Variants in ROGDI observed in about 807,000 individuals in gnomAD.
The protein encoded by ROGDI is protein rogdi homolog.
In ROGDI, 46 loss-of-function variants were observed where a neutral mutation model predicts 43.1. That is an observed-to-expected ratio of 1.07 (90% CI 0.84 to 1.37). ROGDI has a LOEUF of 1.37. ROGDI is among the 40% of genes most tolerant of loss of function. The probability of loss-of-function intolerance (pLI) is 0.00; values close to 1 mark genes in which losing one functional copy is unlikely to be tolerated. For synonymous variants in ROGDI, 243 were observed against 162.0 expected, an observed-to-expected ratio of 1.50 and a Z score of -3.80; for missense variants, 518 against 383.9, an observed-to-expected ratio of 1.35 and a Z score of -2.92.
chr16:4,802,315 C>T, intron 2 of ROGDI, 67 bp downstream of exon 2: 1 of 1,394,852 alleles, frequency 7.2e-7, no homozygotes, highest in Non-Finnish European at 9.7e-7. Flanking sequence ...CGCGCGGCCC[C>T]AGGTGGAGCC....
intron 3 of ROGDI, 25 bp from the exon 4 acceptor site, chr16:4,801,346 T>C (rs1244320907): frequency 5.6e-6 from 9 of 1,596,934 alleles, no homozygotes; most frequent in Non-Finnish European, 7.7e-6. Flanking sequence ...GTCAGAGCGG[T>C]GCCTGTGGTC....
chr16:4,798,112 T>G lies in ROGDI; in HGVS notation c.604A>C (p.Thr202Pro), dbSNP rs776990368. The G allele has an allele frequency of 6.2e-7, 1 of 1,613,962 alleles. No homozygotes were observed. Among genetic ancestry groups the G allele is most frequent in the Non-Finnish European group, 8.5e-7 (1 of 1,179,936 alleles). The change falls in exon 8 of 11, where the codon ACG becomes CCG. Residue 202 changes from threonine (T) to proline (P), a missense_variant. Thr to Pro is a conservative substitution (Grantham distance 38). Coordinates refer to ENST00000322048, the MANE Select transcript of ROGDI (RefSeq NM_024589.3). The part of the protein sequence containing the change: ...VYINLNKLCL[T>P]VYQLHALQPN... ...TGCAGGGCATGCAGCTGGTACACCG[T>G]GAGGCAGAGCTTGTTGAGGTTGATG... is the stretch of plus-strand genomic sequence containing the variant.
In ROGDI at chr16:4,798,730, G is replaced by C. The variant is rs529111726; in HGVS notation, c.433-63C>G. 3.0e-6 allele frequency: 4 copies of C among 1,343,624 alleles called. No homozygotes were observed. The South Asian group carries it at 5.0e-5, about 17-fold the overall frequency. The allele number at this position is 1,343,624 out of a possible 1,614,324, so 83.2% of individuals were successfully genotyped here. On this transcript the variant is annotated intron_variant, in intron 6 of 10. Transcript: ENST00000322048. Reference sequence around the variant, plus strand: ...TGTCCCCATGCATTAAGGAACAACAGACATGGTAGCTCCCACTCCCACCCA... The same window carrying C: ...TGTCCCCATGCATTAAGGAACAACACACATGGTAGCTCCCACTCCCACCCA...
chr16:4,800,513 C>T lies in ROGDI; in HGVS notation c.321G>A (p.Gln107=), dbSNP rs1278200240. Residue 107 remains glutamine (Q), a synonymous_variant, in exon 5 of 11, where the codon CAG becomes CAA. Coordinates refer to ENST00000322048, the MANE Select transcript of ROGDI (RefSeq NM_024589.3). ...GCGGGGTCACCTGCTGCAGCTTCCA[C>T]TGCTTGTCCTCCCGGAAGGCGAAGT... The part of the protein sequence containing the change: ...LLHFAFREDK[Q]WKLQQIQDAR... 2 of 1,557,994 alleles carry T rather than the reference C, an allele frequency of 1.3e-6. No individual in the cohort carries two copies. The highest frequency in any genetic ancestry group is 1.7e-6 in the Non-Finnish European group (2 of 1,150,212).
Position 4,800,446 on chromosome 16 carries a change from C to T in ROGDI, c.336+52G>A, listed in dbSNP as rs1310737627. 9.0e-6 allele frequency: 13 copies of T among 1,452,008 alleles called. No individual in the cohort carries two copies. In the South Asian group the frequency reaches 1.2e-4, roughly 14 times the overall value. The allele number at this position is 1,452,008 out of a possible 1,614,324, so 89.9% of individuals were successfully genotyped here. On this transcript the variant is annotated intron_variant, in intron 5 of 10. Coordinates refer to ENST00000322048, the MANE Select transcript of ROGDI (RefSeq NM_024589.3). ...TCTCCAGGGAGGCCCCGCGGCAGGC[C>T]TGCTGCCGCCTGTCCTTGTGGCTGA...
Position 4,801,511 on chromosome 16 carries a change from G to A in ROGDI, c.192C>T (p.Gly64=), listed in dbSNP as rs2070350633. The A allele has an allele frequency of 6.2e-7, 1 of 1,605,226 alleles. No homozygotes were observed. Among genetic ancestry groups the A allele is most frequent in the South Asian group, 1.1e-5 (1 of 89,450 alleles). The change falls in exon 3 of 11, where the codon GGC becomes GGT. Residue 64 remains glycine (G), a synonymous_variant. Transcript: ENST00000322048. The stretch of plus-strand genomic sequence containing the variant: ...GCCTAGCCCAGGCTCACCCACAGCT[G>A]CCTAGGATGAAGTTCTCTTGCTTGG... The part of the protein sequence containing the change: ...GPAKQENFIL[G]SCGTDQVKGV...
rs750166706 is a variant in ROGDI, at chr16:4,798,175, C to T, written c.541G>A (p.Ala181Thr). ...IAASGLTRMF[A>T]PALPSDLLVN... ...AGCAGGTCGGACGGCAGGGCAGGGG[C>T]GAACATCCGCTGCGGGAGGCAGGTG... The change falls in exon 8 of 11, where the codon GCC becomes ACC. Residue 181 changes from alanine to threonine, a missense_variant. Transcript: ENST00000322048. 2.1e-5 allele frequency: 34 copies of T among 1,613,356 alleles called. No individual in the cohort carries two copies. In the African/African-American group the frequency reaches 3.1e-4, roughly 15 times the overall value.
In ROGDI at chr16:4,798,058, G is replaced by A. The variant is rs762595039; in HGVS notation, c.645+13C>T. ...CATGGCGGGCAGTGGGCCGGGCAGG[G>A]GTCCCTCCTCACCTTGGTGGAGTTG... On this transcript the variant is annotated intron_variant, in intron 8 of 10. Transcript: ENST00000322048. The A allele has an allele frequency of 1.7e-5, 27 of 1,613,596 alleles. No individual in the cohort carries two copies. Among genetic ancestry groups the A allele is most frequent in the Non-Finnish European group, 2.3e-5 (27 of 1,179,710 alleles).
intron 5 of ROGDI, 39 bp from the exon 6 acceptor site, chr16:4,799,820 C>T (rs1423577002): frequency 6.8e-7 from 1 of 1,469,562 alleles, no homozygotes; most frequent in Admixed American, 1.8e-5. Context: ...ACGCCAGCTT[C>T]CATGCGGCCA....
rs1372038121 is a variant in ROGDI, at chr16:4,798,185, C to T, written c.532-1G>A. ...ACGGCAGGGCAGGGGCGAACATCCG[C>T]TGCGGGAGGCAGGTGGGATGAGGCC... On this transcript the variant is annotated splice_acceptor_variant, in intron 7 of 10. Transcript: ENST00000322048. LOFTEE classifies it high-confidence loss of function. The T allele has an allele frequency of 1.2e-6, 2 of 1,612,532 alleles. No individual in the cohort carries two copies. The highest frequency in any genetic ancestry group is 1.7e-6 in the Non-Finnish European group (2 of 1,179,302).
At chr16:4,801,060 G>C (rs1259503527) in intron 4 of ROGDI, 5 of 528,810 alleles carry the variant, frequency 9.5e-6, no homozygotes, top group Non-Finnish European at 1.7e-5. Flanking sequence ...CGTGTGCAAA[G>C]AACCCCTCTC....
intron 2 of ROGDI, 67 bp from the exon 3 acceptor site, chr16:4,801,652 G>C (rs980618608): frequency 1.4e-6 from 2 of 1,409,180 alleles, no homozygotes; most frequent in Non-Finnish European, 2.0e-6. Flanking sequence ...GCTCCTTCCA[G>C]AAGCCCCCCT....
In ROGDI at chr16:4,801,264, C is replaced by G. The variant is rs901763845; in HGVS notation, c.255+3G>C. On this transcript the variant is annotated splice_donor_region_variant and intron_variant, in intron 4 of 10. Transcript: ENST00000322048. ...TGGGAGGGGACAGGGCCGGGGGACT[C>G]ACCGCCTGGCTGAGGGCATCCCCCT... The G allele has an allele frequency of 1.2e-6, 2 of 1,603,138 alleles. No individual in the cohort carries two copies. Among genetic ancestry groups the G allele is most frequent in the Non-Finnish European group, 1.7e-6 (2 of 1,173,210 alleles).
chr16:4,797,924 C>A lies in ROGDI; in HGVS notation c.695+14G>T. ...GGGTGGGCGTGCCTGGACCCCCCGC[C>A]CCTGCCTACTTACAACATGGCCCCA... is the stretch of plus-strand genomic sequence containing the variant. On this transcript the variant is annotated intron_variant, in intron 9 of 10. Transcript: ENST00000322048. 1 of 1,599,160 alleles carries A rather than the reference C, an allele frequency of 6.3e-7. No individual in the cohort carries two copies. Among genetic ancestry groups the A allele is most frequent in the Non-Finnish European group, 8.5e-7 (1 of 1,170,490 alleles).
At position 4,797,977 on chromosome 16, in the gene ROGDI, G is replaced by A. The variant is rs1047725211; in HGVS notation, c.656C>T (p.Pro219Leu). 1 of 1,608,232 alleles carries A rather than the reference G, an allele frequency of 6.2e-7. No individual in the cohort carries two copies. The highest frequency in any genetic ancestry group is 1.3e-5 in the African/African-American group (1 of 74,954). ...GCTATGCAGCACCGCGCCCCCAGCTGGGCGGAAGTTCTAGGGAGAACAGCA... is the reference window on the plus strand; with the variant it reads ...GCTATGCAGCACCGCGCCCCCAGCTAGGCGGAAGTTCTAGGGAGAACAGCA... ...LQPNSTKNFR[P>L]AGGAVLHSPG... is the part of the protein sequence containing the mutation. The change falls in exon 9 of 11, where the codon CCA becomes CTA. Residue 219 changes from proline to leucine, a missense_variant. Coordinates refer to ENST00000322048, the MANE Select transcript of ROGDI (RefSeq NM_024589.3).
chr16:4,801,047 G>C (rs1180181607), intron 4 of ROGDI: 1 of 522,024 alleles, frequency 1.9e-6, no homozygotes, highest in Non-Finnish European at 3.4e-6. Flanking sequence ...CGCCAGGCCA[G>C]GCCGTGTGCA....
chr16:4,797,651 T>G, intron 10 of ROGDI, 63 bp downstream of exon 10: 2 of 1,609,926 alleles, frequency 1.2e-6, no homozygotes, highest in Non-Finnish European at 1.7e-6. Context: ...TGGGGCGCTC[T>G]GAGGGTGTGG....
Position 4,797,458 on chromosome 16 carries a change from G to A in ROGDI, c.*2C>T. The A allele has an allele frequency of 6.2e-7, 1 of 1,613,078 alleles. No individual in the cohort carries two copies. Among genetic ancestry groups the A allele is most frequent in the Non-Finnish European group, 8.5e-7 (1 of 1,179,410 alleles). On this transcript the variant is annotated 3_prime_UTR_variant, in exon 11 of 11. Transcript: ENST00000322048. Reference sequence around the variant, plus strand: ...CTGGAGACAAGCTCCTGGGTGCTGTGATCAGAAGGGTCTGTAGCTCCAGTA... The same window carrying A: ...CTGGAGACAAGCTCCTGGGTGCTGTAATCAGAAGGGTCTGTAGCTCCAGTA...
At chr16:4,800,476 T>C (rs1425245099) in intron 5 of ROGDI, 22 bp downstream of exon 5, 7 of 1,545,834 alleles carry the variant, frequency 4.5e-6, no homozygotes, top group East Asian at 2.4e-5. Flanking sequence ...GGCTGAGCAC[T>C]AGCCAGGAGG....
Sources: gnomAD v4.1 joint callset for allele counts on GRCh38, gnomAD v4.1.1 for gene constraint, MANE v1.5 for transcripts, NCBI Gene and HGNC (gene_info 2026-07-23, HGNC 2026-07-21) for gene names.